The following MAGI2 variants were observed in gnomAD, a reference collection of about 807,000 sequenced individuals.
MAGI2 encodes the protein membrane associated guanylate kinase, WW and PDZ domain containing 2.
Under a neutral mutation model 133.3 loss-of-function variants are expected in MAGI2, and 35 were observed. The observed-to-expected ratio is 0.26, with a 90% CI of 0.20 to 0.35. The LOEUF is 0.35. MAGI2 is among the 10% of genes least tolerant of loss of function. MAGI2 has a pLI of 1.00. For synonymous variants in MAGI2, 729 were observed against 710.6 expected, an observed-to-expected ratio of 1.03 and a Z score of -0.41; for missense variants, 1,636 against 1,863.4, an observed-to-expected ratio of 0.88 and a Z score of 2.25.
chr7:78,363,422 G>A (rs1256877485), intron 7 of MAGI2, among the ~76,000 whole-genome samples: 4 of 152,018 alleles, frequency 2.6e-5, no homozygotes, highest in African/African-American at 7.2e-5. Flanking sequence ...GAACCCGGGA[G>A]GCGGAGCCTG....
intron 3 of MAGI2, among the ~76,000 whole-genome samples, chr7:78,552,292 T>C (rs891776692): frequency 2.0e-5 from 3 of 148,844 alleles, no homozygotes; most frequent in African/African-American, 7.4e-5. Context: ...CAAGCAGTTC[T>C]CCTGACTCAG....
At chr7:79,280,065 T>C (rs1430703987) in intron 1 of MAGI2, among the ~76,000 whole-genome samples, 2 of 152,186 alleles carry the variant, frequency 1.3e-5, no homozygotes, top group Non-Finnish European at 2.9e-5. Context: ...AATCAACCAA[T>C]GTTGAGCAAT....
intron 1 of MAGI2, among the ~76,000 whole-genome samples, chr7:79,008,248 TTCTGAGTCTCAGA>T (rs1807662709): frequency 6.6e-6 from 1 of 152,138 alleles, no homozygotes; most frequent in Non-Finnish European, 1.5e-5. Flanking sequence ...CTTCAAATCC[TTCTGAGTCTCAGA>T]ATTAGAATTC....
chr7:79,323,072 A>C (rs1229019108), intron 1 of MAGI2, among the ~76,000 whole-genome samples: 2 of 152,006 alleles, frequency 1.3e-5, no homozygotes, highest in African/African-American at 2.4e-5. Context: ...TCTTGGGCTC[A>C]AGCAATCCTC....
At chr7:78,900,092 T>C (rs1797506758) in intron 2 of MAGI2, among the ~76,000 whole-genome samples, 1 of 152,170 alleles carries the variant, frequency 6.6e-6, no homozygotes, top group South Asian at 2.1e-4. Flanking sequence ...TGTGTTACTT[T>C]GTGTGCACAA....
chr7:79,250,240 A>G (rs1833140128), intron 1 of MAGI2, among the ~76,000 whole-genome samples: 1 of 151,988 alleles, frequency 6.6e-6, no homozygotes, highest in South Asian at 2.1e-4. Context: ...CCAGAACACA[A>G]GGATGCCCAT....
intron 6 of MAGI2, among the ~76,000 whole-genome samples, chr7:78,465,430 C>T (rs555079240): frequency 7.2e-5 from 11 of 152,292 alleles, no homozygotes; most frequent in African/African-American, 2.4e-4. Context: ...AAGCCATGTA[C>T]TATTAACACG....
chr7:78,984,142 C>T (rs1805037941), intron 2 of MAGI2, among the ~76,000 whole-genome samples: 1 of 151,948 alleles, frequency 6.6e-6, no homozygotes, highest in Non-Finnish European at 1.5e-5. Flanking sequence ...AACATCCAGC[C>T]CATCAGGATG....
chr7:78,124,632 A>G (rs757075502), intron 20 of MAGI2, among the ~76,000 whole-genome samples: 7 of 152,134 alleles, frequency 4.6e-5, no homozygotes, highest in Non-Finnish European at 1.0e-4. Flanking sequence ...ATTAACTTAA[A>G]GAGGCAGGAG....
At chr7:79,152,099 T>C (rs924376231) in intron 1 of MAGI2, among the ~76,000 whole-genome samples, 5 of 152,176 alleles carry the variant, frequency 3.3e-5, no homozygotes, top group African/African-American at 1.2e-4. Context: ...TGGTTTATCA[T>C]TCAGCAGTAA....
intron 1 of MAGI2, among the ~76,000 whole-genome samples, chr7:79,171,027 T>C (rs1825489023): frequency 6.6e-6 from 1 of 152,106 alleles, no homozygotes; most frequent in Non-Finnish European, 1.5e-5. Context: ...TTTGTTTGTT[T>C]TTAAAGAGTA....
intron 1 of MAGI2, among the ~76,000 whole-genome samples, chr7:79,375,980 T>A (rs1191868736): frequency 2.0e-5 from 3 of 151,974 alleles, no homozygotes; most frequent in Admixed American, 1.3e-4. Context: ...TTTTTTTTCT[T>A]AAATGATTCT....
chr7:78,235,270 T>C (rs1471680543), intron 10 of MAGI2, among the ~76,000 whole-genome samples: 1 of 152,230 alleles, frequency 6.6e-6, no homozygotes, highest in Non-Finnish European at 1.5e-5. Flanking sequence ...TGCCATGTTT[T>C]ATCTAAGGTT....
At chr7:78,179,933 C>T (rs1026607426) in intron 13 of MAGI2, among the ~76,000 whole-genome samples, 2 of 152,244 alleles carry the variant, frequency 1.3e-5, no homozygotes, top group Admixed American at 6.5e-5. Context: ...AGTCTGGAGG[C>T]AGATGGAGTA....
At chr7:78,566,543 A>AAAC (rs1030675789) in intron 3 of MAGI2, among the ~76,000 whole-genome samples, 22 of 151,824 alleles carry the variant, frequency 1.4e-4, no homozygotes, top group African/African-American at 5.1e-4. Context: ...TAAAAAAAAA[A>AAAC]AAAAAAACAG....
In MAGI2 at chr7:78,802,270, C is replaced by G. The variant is rs79060587; in HGVS notation, c.419-175031G>C. On this transcript the variant is annotated intron_variant, in intron 2 of 21. Transcript: ENST00000354212. ...TTATCCCACTGAACACAATTTATAA[C>G]TGTACATTCATGAGTGTTTTTTTAA... Among the ~76,000 whole-genome samples the G allele has an allele frequency of 4.2e-3, 641 of 152,266 alleles. 7 individuals are homozygous for G. Among genetic ancestry groups the G allele is most frequent in the African/African-American group, 0.015 (610 of 41,550 alleles).
At position 79,164,153 on chromosome 7, in the gene MAGI2, G is replaced by C. The variant is rs146109143; in HGVS notation, c.302-156947C>G. Among the ~76,000 whole-genome samples, 293 of 152,104 alleles carry C rather than the reference G, an allele frequency of 1.9e-3. 1 individual carries two copies. The highest frequency in any genetic ancestry group is 6.9e-3 in the African/African-American group (286 of 41,536). On this transcript the variant is annotated intron_variant, in intron 1 of 21. Coordinates refer to ENST00000354212, the MANE Select transcript of MAGI2 (RefSeq NM_012301.4). ...CTATGGAATGTTTTTGGCCAAGAGGGGAGACTGAGGACTAAGCTCTGATTT... is the reference window on the plus strand; with the variant it reads ...CTATGGAATGTTTTTGGCCAAGAGGCGAGACTGAGGACTAAGCTCTGATTT...
At chr7:79,037,398 T>C (rs992769325) in intron 1 of MAGI2, among the ~76,000 whole-genome samples, 1 of 152,132 alleles carries the variant, frequency 6.6e-6, no homozygotes, top group African/African-American at 2.4e-5. Context: ...TTATTCTTTC[T>C]ATTACAAGCA....
intron 1 of MAGI2, among the ~76,000 whole-genome samples, chr7:79,028,959 G>GT (rs1286173039): frequency 6.6e-6 from 1 of 151,922 alleles, no homozygotes; most frequent in Non-Finnish European, 1.5e-5. Context: ...AAAATATTTT[G>GT]TTTTTTGAAA....
Sources: allele counts gnomAD v4.1 joint callset (sites outside exome capture counted in the v4.1 genomes callset), GRCh38; gene constraint gnomAD v4.1.1; transcripts MANE v1.5; gene names NCBI Gene and HGNC (gene_info 2026-07-23, HGNC 2026-07-21).